ZNF446: variants seen among roughly 807,000 people sequenced by gnomAD.
ZNF446 encodes zinc finger protein 446, also known as zinc finger protein with KRAB and SCAN domains 20.
Under a neutral mutation model 34.0 loss-of-function variants are expected in ZNF446, and 42 were observed. The observed-to-expected ratio is 1.23, with a 90% CI of 0.96 to 1.60. ZNF446 has a LOEUF of 1.60. ZNF446 is among the 40% of genes most tolerant of loss of function. ZNF446 has a pLI of 0.00. For missense variants in ZNF446, 650 were observed against 600.2 expected, an observed-to-expected ratio of 1.08 and a Z score of -0.87; for synonymous variants, 315 against 251.0, an observed-to-expected ratio of 1.25 and a Z score of -2.41.
the ZNF446 span, among the ~76,000 whole-genome samples, chr19:58,488,523 T>G: frequency 5.4e-4 from 74 of 138,298 alleles, no homozygotes; most frequent in Non-Finnish European, 1.0e-3. Context: ...CCCTGCCAAT[T>G]AAAAGAAAAG....
At chr19:58,488,827 G>C in the ZNF446 span, among the ~76,000 whole-genome samples, 9 of 142,568 alleles carry the variant, frequency 6.3e-5, no homozygotes, top group African/African-American at 1.1e-4. Context: ...CTCCAGCCTG[G>C]GTGACAGAGC....
chr19:58,479,924 G>C lies in ZNF446; in HGVS notation c.713-6G>C. ...CCATGCCTAACTGTGCCCCCCACCC[G>C]GGCAGGGTTACCGCCCCACCAGCCA... On this transcript the variant is annotated splice_region_variant and splice_polypyrimidine_tract_variant and intron_variant, in intron 5 of 6. Transcript: ENST00000594369. 2 of 1,566,792 alleles carry C rather than the reference G, an allele frequency of 1.3e-6. No individual in the cohort carries two copies. The highest frequency in any genetic ancestry group is 1.7e-6 in the Non-Finnish European group (2 of 1,159,264).
the ZNF446 span, among the ~76,000 whole-genome samples, chr19:58,488,735 C>G: frequency 6.6e-6 from 1 of 151,070 alleles, no homozygotes; most frequent in African/African-American, 2.4e-5. Context: ...CCTGTAGTCC[C>G]AGCTACTTGG....
rs139673627 is a variant in ZNF446, at chr19:58,478,139, C to T, written c.585C>T (p.His195=). 6.2e-7 allele frequency: 1 copy of T among 1,614,132 alleles called. No individual in the cohort carries two copies. Among genetic ancestry groups the T allele is most frequent in the Admixed American group, 1.7e-5 (1 of 60,018 alleles). ...AGTCCCCTGAGGGGAACCATGGACA[C>T]CAAGAACCAGCCTCCACATCCTTCC... ...AAQSPEGNHG[H]QEPASTSFHP... The change falls in exon 4 of 7, where the codon CAC becomes CAT. Residue 195 remains histidine, a synonymous_variant. Transcript: ENST00000594369.
At position 58,480,973 on chromosome 19, in the gene ZNF446, T is replaced by A. The variant is rs895088680; in HGVS notation, c.*247T>A. 1.8e-6 allele frequency: 1 copy of A among 547,406 alleles called. No homozygotes were observed. The highest frequency in any genetic ancestry group is 2.4e-5 in the South Asian group (1 of 41,604). The allele number at this position is 547,406 out of a possible 1,614,324, so 33.9% of individuals were successfully genotyped here. ...TGGGTTCCCTTCTATGGCTGACCAG[T>A]GCCTGTGGGGTGACTGCCAAGCACC... On this transcript the variant is annotated 3_prime_UTR_variant, in exon 7 of 7. Transcript: ENST00000594369. The surrounding 1 kb of genome is among the most constrained non-coding windows in gnomAD (Gnocchi z 7.2).
chr19:58,478,057 C>T (rs731259), intron 3 of ZNF446, 30 bp from the exon 4 acceptor site: 270,918 of 1,590,622 alleles, frequency 0.17, 24,037 homozygotes, highest in Middle Eastern at 0.2. Flanking sequence ...CAGCCCCTGA[C>T]ACCACCCTTC....
At chr19:58,483,784 C>T (rs2053155118), downstream of ZNF446, 1 of 152,168 alleles carries the variant, frequency 6.6e-6, no homozygotes, top group South Asian at 2.1e-4. Context: ...TGTGTTTACC[C>T]TTGCACAGGG....
downstream of ZNF446, among the ~76,000 whole-genome samples, chr19:58,483,203 T>G (rs1437269843): frequency 2.0e-5 from 3 of 150,436 alleles, no homozygotes; most frequent in Non-Finnish European, 4.4e-5. Flanking sequence ...AAATTAAAAA[T>G]AATAGTAGGC....
chr19:58,486,249 C>T, the ZNF446 span, among the ~76,000 whole-genome samples: 6 of 151,532 alleles, frequency 4.0e-5, no homozygotes, highest in East Asian at 5.8e-4. Flanking sequence ...CGTGCCACCA[C>T]GCCTGGCTAC....
In ZNF446 at chr19:58,477,817, C is replaced by T; in HGVS notation, c.523C>T (p.Gln175Ter). 1 of 1,560,012 alleles carries T rather than the reference C, an allele frequency of 6.4e-7. No homozygotes were observed. The highest frequency in any genetic ancestry group is 8.7e-7 in the Non-Finnish European group (1 of 1,155,414). The change falls in exon 3 of 7, where the codon CAG becomes TAG. Residue 175 changes from glutamine to a stop codon, truncating the protein, a stop_gained. Transcript: ENST00000594369. LOFTEE classifies it high-confidence loss of function. ...SVKEEPNVDG[Q>*]EVAPSSPPLA... ...GAAGGAGGAGCCCAATGTCGATGGA[C>T]AGGAAGTGGGTGAGGTTGGGGTCCC... is the stretch of plus-strand genomic sequence containing the variant.
At chr19:58,479,573 G>A in intron 4 of ZNF446, 70 bp from the exon 5 acceptor site, 1 of 1,539,272 alleles carries the variant, frequency 6.5e-7, no homozygotes, top group Non-Finnish European at 8.8e-7. Context: ...CGGGTAATAG[G>A]TAAGAATGTG....
Position 58,480,531 on chromosome 19 carries a change from ACG to A in ZNF446, c.1160_1161del (p.Arg387LeufsTer11). ...AGGTGGCCTTTCCGCACCACCCCCGACGCTCACTCACAGGCCCCCGGAGTTAC... is the reference window on the plus strand; with the variant it reads ...AGGTGGCCTTTCCGCACCACCCCCGACTCACTCACAGGCCCCCGGAGTTAC... ...GEVAFPHHPRRSLTGPRSYPC... is the reference protein window; with the variant it reads ...GEVAFPHHPRXSLTGPRSYPC... On this transcript the variant is annotated frameshift_variant, in exon 7 of 7. Coordinates refer to ENST00000594369, the MANE Select transcript of ZNF446 (RefSeq NM_017908.4). LOFTEE classifies it low-confidence loss of function (END_TRUNC). This position sits in a 1 kb window ranked among gnomAD's most constrained non-coding sequence, Gnocchi z 7.2. 6.2e-7 allele frequency: 1 copy of A among 1,612,598 alleles called. No homozygotes were observed. Among genetic ancestry groups the A allele is most frequent in the South Asian group, 1.1e-5 (1 of 91,066 alleles).
chr19:58,476,704 C>G (rs1289539611), intron 1 of ZNF446, among the ~76,000 whole-genome samples, 200 bp downstream of exon 1: 1 of 152,152 alleles, frequency 6.6e-6, no homozygotes, highest in East Asian at 1.9e-4. Context: ...CAGAGCCATT[C>G]CTAAAGGAGG....
chr19:58,480,565 G>C lies in ZNF446; in HGVS notation c.1192G>C (p.Glu398Gln). The C allele has an allele frequency of 6.2e-7, 1 of 1,612,974 alleles. No individual in the cohort carries two copies. ...CACAGGCCCCCGGAGTTACCCGTGT[G>C]AGGAGTGCGGGTGCAGCTTCAGCTG... is the stretch of plus-strand genomic sequence containing the variant. Reference protein sequence around the residue: ...SLTGPRSYPCEECGCSFSWKS... With the variant: ...SLTGPRSYPCQECGCSFSWKS... Residue 398 changes from glutamate (E) to glutamine (Q), a missense_variant, in exon 7 of 7, where the codon GAG becomes CAG. Physicochemically the swap from Glu to Gln is conservative, Grantham distance 29. Transcript: ENST00000594369. This position sits in a 1 kb window ranked among gnomAD's most constrained non-coding sequence, Gnocchi z 7.2.
At position 58,479,609 on chromosome 19, in the gene ZNF446, G is replaced by A. The variant is rs146159308; in HGVS notation, c.628-34G>A. The A allele has an allele frequency of 7.8e-4, 1,257 of 1,608,594 alleles. 7 individuals carry two copies. In the African/African-American group the frequency reaches 0.015, roughly 19 times the overall value. On this transcript the variant is annotated intron_variant, in intron 4 of 6. Coordinates refer to ENST00000594369, the MANE Select transcript of ZNF446 (RefSeq NM_017908.4). ...AACCAGACAGGGCAGGGAAGGGGTG[G>A]AAAGACGCCTACAGTGATGGGCCAC...
the ZNF446 span, among the ~76,000 whole-genome samples, chr19:58,487,087 G>A: frequency 2.0e-5 from 3 of 152,230 alleles, no homozygotes; most frequent in South Asian, 2.1e-4. Context: ...CACTGCGCCT[G>A]GCCGAAAATG....
the ZNF446 span, among the ~76,000 whole-genome samples, chr19:58,488,137 A>G: frequency 6.7e-6 from 1 of 148,876 alleles, no homozygotes; most frequent in Non-Finnish European, 1.5e-5. Context: ...CACCCTGTTC[A>G]TGGCACTGTG....
downstream of ZNF446, among the ~76,000 whole-genome samples, chr19:58,482,859 A>T (rs576860797): frequency 4.6e-5 from 7 of 152,330 alleles, no homozygotes; most frequent in South Asian, 8.3e-4. Context: ...CCCAGCCCAG[A>T]AGGGAGAGTC....
chr19:58,480,202 T>TGCCCAGAG lies in ZNF446; in HGVS notation c.836_843dup (p.Pro282ArgfsTer87). On this transcript the variant is annotated frameshift_variant, in exon 7 of 7. Transcript: ENST00000594369. LOFTEE classifies it low-confidence loss of function (END_TRUNC). This position sits in a 1 kb window ranked among gnomAD's most constrained non-coding sequence, Gnocchi z 7.2. ...AAATGAGAGTGAGGGTCCACCTGGCTGCCCAGAGGCCCAGCCGCCCCAGGG... is the reference window on the plus strand; with the variant it reads ...AAATGAGAGTGAGGGTCCACCTGGCTGCCCAGAGGCCCAGAGGCCCAGCCGCCCCAGGG... The TGCCCAGAG allele has an allele frequency of 6.3e-7, 1 of 1,596,044 alleles. No homozygotes were observed.
Sources: allele counts gnomAD v4.1 joint callset (sites outside exome capture counted in the v4.1 genomes callset), GRCh38; gene constraint gnomAD v4.1.1; non-coding constraint Gnocchi (gnomAD v3.1); transcripts MANE v1.5; gene names NCBI Gene and HGNC (gene_info 2026-07-23, HGNC 2026-07-21).